Variants in RAD51 observed in about 807,000 individuals in gnomAD.
The protein encoded by RAD51 is RAD51 recombinase, also known as DNA repair protein RAD51 homolog 1.
In RAD51, 14 loss-of-function variants were observed where a neutral mutation model predicts 41.5. The observed-to-expected ratio is 0.34, with a 90% confidence interval of 0.22 to 0.53. The LOEUF (loss-of-function observed/expected upper bound fraction) is 0.53, where lower values mean the gene tolerates loss of function less well. Ranked by LOEUF, RAD51 falls within the 20% of genes least tolerant of loss-of-function variation. The probability of loss-of-function intolerance (pLI) is 0.95; values close to 1 mark genes in which losing one functional copy is unlikely to be tolerated. For missense variants in RAD51, 234 were observed against 422.0 expected (o/e 0.55, Z 3.90); for synonymous variants, 136 against 148.6 (o/e 0.92, Z 0.62).
intron 5 of RAD51, among the ~76,000 whole-genome samples, chr15:40,712,196 G>A (rs576383539): frequency 5.3e-5 from 8 of 152,230 alleles, no homozygotes; most frequent in Non-Finnish European, 8.8e-5. Context: ...AGAGAAGTAG[G>A]GAAAAGATGT....
Position 40,728,821 on chromosome 15 carries a change from C to G in RAD51, c.641C>G (p.Ser214Cys), listed in dbSNP as rs1596025383. The change falls in exon 7 of 10, where the codon TCT becomes TGT. Residue 214 changes from serine to cysteine, a missense_variant. By Grantham distance (112) the Ser-to-Cys change is moderately radical (BLOSUM62 -1). Coordinates refer to ENST00000267868, the MANE Select transcript of RAD51 (RefSeq NM_002875.5). ...CAAGCATCAGCCATGATGGTAGAAT[C>G]TAGGTATGTGTTCAGTATAAGACAC... ...LYQASAMMVE[S>C]RYALLIVDSA... The G allele has an allele frequency of 6.2e-7, 1 of 1,609,726 alleles. No individual in the cohort carries two copies. Among genetic ancestry groups the G allele is most frequent in the East Asian group, 2.2e-5 (1 of 44,850 alleles).
At chr15:40,699,554 A>G (rs917632891) in intron 2 of RAD51, among the ~76,000 whole-genome samples, 2 of 152,142 alleles carry the variant, frequency 1.3e-5, no homozygotes, top group South Asian at 2.1e-4. Flanking sequence ...CCAAACTGCT[A>G]GGATTACAGG....
chr15:40,723,918 G>C (rs991113164), intron 6 of RAD51, among the ~76,000 whole-genome samples: 4 of 152,062 alleles, frequency 2.6e-5, no homozygotes, highest in Non-Finnish European at 4.4e-5. Flanking sequence ...CTTTGTCTAG[G>C]GTCAAATGTG....
intron 3 of RAD51, among the ~76,000 whole-genome samples, chr15:40,705,313 A>G (rs1264901968): frequency 6.6e-6 from 1 of 152,174 alleles, no homozygotes; most frequent in African/African-American, 2.4e-5. Context: ...TTACTTTTCA[A>G]TTTTAGAATC....
chr15:40,699,658 G>A (rs892733390), intron 2 of RAD51, among the ~76,000 whole-genome samples: 1 of 152,222 alleles, frequency 6.6e-6, no homozygotes, highest in Non-Finnish European at 1.5e-5. Flanking sequence ...GACCAGTTAT[G>A]CAAGGAAGAC....
At chr15:40,697,226 G>A (rs1308385081) in intron 1 of RAD51, among the ~76,000 whole-genome samples, 5 of 151,834 alleles carry the variant, frequency 3.3e-5, no homozygotes, top group Non-Finnish European at 7.4e-5. Flanking sequence ...TCAGCCTCCC[G>A]AGTAGCTGGG....
chr15:40,728,677 G>A (rs752578615), intron 6 of RAD51, 34 bp from the exon 7 acceptor site: 5 of 1,563,928 alleles, frequency 3.2e-6, no homozygotes, highest in Non-Finnish European at 4.4e-6. Context: ...TGAGTTCTGT[G>A]TGCAGCCTAA....
intron 7 of RAD51, among the ~76,000 whole-genome samples, chr15:40,729,198 G>A (rs1329612622): frequency 1.3e-5 from 2 of 151,618 alleles, no homozygotes; most frequent in East Asian, 1.9e-4. Context: ...CGGTGAATCC[G>A]TCTCTACTAA....
At chr15:40,697,593 T>G (rs113418489) in intron 1 of RAD51, among the ~76,000 whole-genome samples, 1 of 148,578 alleles carries the variant, frequency 6.7e-6, no homozygotes, top group African/African-American at 2.5e-5. Flanking sequence ...TTTTTTTTTT[T>G]TTGAGACGGA....
intron 6 of RAD51, among the ~76,000 whole-genome samples, chr15:40,722,552 T>G (rs1305949962): frequency 6.6e-6 from 1 of 152,062 alleles, no homozygotes; most frequent in African/African-American, 2.4e-5. Context: ...TGGTACAGTT[T>G]CAGTTTGGGA....
At chr15:40,720,559 C>T (rs1896218223) in intron 6 of RAD51, among the ~76,000 whole-genome samples, 1 of 152,090 alleles carries the variant, frequency 6.6e-6, no homozygotes. Flanking sequence ...TTGCTAATGA[C>T]ATGGTGCCAT....
At chr15:40,710,656 G>A (rs1362272188) in intron 5 of RAD51, among the ~76,000 whole-genome samples, 1 of 151,934 alleles carries the variant, frequency 6.6e-6, no homozygotes, top group African/African-American at 2.4e-5. Flanking sequence ...CTCATACTTC[G>A]TCTTCTGTTA....
At chr15:40,727,174 C>T (rs1245173698) in intron 6 of RAD51, among the ~76,000 whole-genome samples, 1 of 151,918 alleles carries the variant, frequency 6.6e-6, no homozygotes, top group African/African-American at 2.4e-5. Context: ...GTTGCCCAGG[C>T]TGGTCTCAAA....
intron 6 of RAD51, among the ~76,000 whole-genome samples, chr15:40,725,025 C>A (rs1028031583): frequency 3.3e-5 from 5 of 150,950 alleles, no homozygotes; most frequent in African/African-American, 1.2e-4. Flanking sequence ...TCAGCCTCCC[C>A]AGTAGCTGGG....
At chr15:40,697,367 G>A (rs1209607921) in intron 1 of RAD51, among the ~76,000 whole-genome samples, 1 of 152,168 alleles carries the variant, frequency 6.6e-6, no homozygotes, top group African/African-American at 2.4e-5. Context: ...GCCTCCCAAA[G>A]TGCTGGGATT....
At chr15:40,726,771 G>C (rs898904411) in intron 6 of RAD51, among the ~76,000 whole-genome samples, 12 of 152,080 alleles carry the variant, frequency 7.9e-5, no homozygotes, top group African/African-American at 2.9e-4. Flanking sequence ...AAATTAGCCA[G>C]GCGTGGTAGC....
intron 1 of RAD51, among the ~76,000 whole-genome samples, chr15:40,697,126 G>A (rs964874754): frequency 2.0e-5 from 3 of 152,108 alleles, no homozygotes; most frequent in Admixed American, 6.6e-5. Flanking sequence ...TTGAGACAGA[G>A]TTTGGCTCTT....
chr15:40,730,977 T>C, intron 9 of RAD51, 78 bp from the exon 10 acceptor site: 4 of 1,590,098 alleles, frequency 2.5e-6, no homozygotes, highest in Non-Finnish European at 2.6e-6. Flanking sequence ...CTAAAAAATT[T>C]TCAGCTCTGT....
At chr15:40,721,805 G>A (rs1896284776) in intron 6 of RAD51, among the ~76,000 whole-genome samples, 1 of 152,078 alleles carries the variant, frequency 6.6e-6, no homozygotes. Context: ...AACACAGAAT[G>A]ACCATGTGAT....
Sources: gnomAD v4.1 joint callset for allele counts (sites outside exome capture counted in the v4.1 genomes callset) on GRCh38, gnomAD v4.1.1 for gene constraint, MANE v1.5 for transcripts, NCBI Gene and HGNC (gene_info 2026-07-23, HGNC 2026-07-21) for gene names.